Variants in CDON observed in about 807,000 individuals in gnomAD.
The protein encoded by CDON is cell adhesion molecule-related/down-regulated by oncogenes.
Under a neutral mutation model 120.9 loss-of-function variants are expected in CDON, and 73 were observed. That is an observed-to-expected ratio of 0.60 (90% CI 0.50 to 0.73). The LOEUF is 0.73. Ranked by LOEUF, CDON falls within the 30% of genes least tolerant of loss-of-function variation. The pLI is 0.00. For synonymous variants in CDON, 566 were observed against 573.5 expected (o/e 0.99, Z 0.19); for missense variants, 1,470 against 1,587.3 (o/e 0.93, Z 1.26).
intron 7 of CDON, among the ~76,000 whole-genome samples, chr11:126,012,855 A>G (rs7942816): frequency 0.11 from 16,672 of 152,216 alleles, 959 homozygotes; most frequent in African/African-American, 0.13. Flanking sequence ...AATCATATCC[A>G]GCTGTAAATT....
rs1394187850 is a variant in CDON at position 126,009,226 on chromosome 11, G to A, written c.1552+1115C>T. ...CCCTGGTCTCCACCACTTCTCCTCC[G>A]CCTCCAGCTTCATTCAGAGCAAGGG... On this transcript the variant is annotated intron_variant, in intron 8 of 19. Transcript: ENST00000531738. Among the ~76,000 whole-genome samples, 5 of 152,298 alleles carry A rather than the reference G, an allele frequency of 3.3e-5. No individual in the cohort carries two copies. The East Asian group carries it at 5.8e-4, about 18-fold the overall frequency.
chr11:125,960,953 G>C lies in CDON; in HGVS notation c.3784C>G (p.Arg1262Gly). The C allele has an allele frequency of 6.2e-7, 1 of 1,614,098 alleles. No homozygotes were observed. Among genetic ancestry groups the C allele is most frequent in the South Asian group, 1.1e-5 (1 of 91,074 alleles). The change falls in exon 20 of 20, where the codon CGG becomes GGG. Residue 1262 changes from arginine (R) to glycine (G), a missense_variant. By Grantham distance (125) the Arg-to-Gly change is moderately radical. Coordinates refer to ENST00000531738, the MANE Select transcript of CDON (RefSeq NM_001378964.1). ...TTGTTTGCATGTCCTCAGGTTTCCC[G>C]GGGCTGCTGAAGGACCTCTGTCGGG... ...DSPTEVLQQP[R>G]ET
chr11:126,010,542 G>C lies in CDON; in HGVS notation c.1351C>G (p.Gln451Glu). 1.9e-6 allele frequency: 3 copies of C among 1,614,136 alleles called. No individual in the cohort carries two copies. The highest frequency in any genetic ancestry group is 2.5e-6 in the Non-Finnish European group (3 of 1,180,006). The change falls in exon 8 of 20, where the codon CAA becomes GAA. Residue 451 changes from glutamine (Q) to glutamate (E), a missense_variant. Coordinates refer to ENST00000531738, the MANE Select transcript of CDON (RefSeq NM_001378964.1). Reference protein sequence around the residue: ...SHGLITSHPSQVLRSKSRKSQ... With the variant: ...SHGLITSHPSEVLRSKSRKSQ... ...TTTCGGGATTTCGATCTCAGGACTT[G>C]AGATGGATGGCTGGTTATCAATCCA...
intron 7 of CDON, among the ~76,000 whole-genome samples, chr11:126,013,916 T>C (rs1213954059): frequency 1.3e-5 from 2 of 152,156 alleles, no homozygotes; most frequent in Non-Finnish European, 2.9e-5. Context: ...ATAAATTTCC[T>C]TTTAAATTCC....
intron 1 of CDON, among the ~76,000 whole-genome samples, chr11:126,039,564 A>G (rs1232073204): frequency 6.6e-6 from 1 of 152,236 alleles, no homozygotes; most frequent in Non-Finnish European, 1.5e-5. Context: ...CAACTAATCT[A>G]GAGACTTAAC....
chr11:125,981,960 ATTCTATT>A (rs1565501808), intron 16 of CDON, among the ~76,000 whole-genome samples: 4 of 64,284 alleles, frequency 6.2e-5, no homozygotes, highest in African/African-American at 1.6e-4. Context: ...GCAAAAAGTG[ATTCTATT>A]TTCTTTTTTT....
At chr11:125,989,054 T>A (rs1390234743) in intron 15 of CDON, among the ~76,000 whole-genome samples, 1 of 151,494 alleles carries the variant, frequency 6.6e-6, no homozygotes, top group African/African-American at 2.4e-5. Flanking sequence ...TAAAATAAAA[T>A]AAAAATAAAG....
chr11:126,022,779 T>C (rs921543025), intron 2 of CDON, among the ~76,000 whole-genome samples: 1 of 152,318 alleles, frequency 6.6e-6, no homozygotes, highest in Non-Finnish European at 1.5e-5. Context: ...TAAAAATAAA[T>C]AGTACTCAAT....
At position 125,958,112 on chromosome 11, in the gene CDON, T is replaced by C. The variant is rs1065398; in HGVS notation, c.*2830A>G. On this transcript the variant is annotated 3_prime_UTR_variant, in exon 20 of 20. Coordinates refer to ENST00000531738, the MANE Select transcript of CDON (RefSeq NM_001378964.1). ...CGCGGAGGCCAGAGAGCAGCTTCTC[T>C]GGCTGCGGAGTTGGAGCCTCGGAGG... 0.5 allele frequency: 75,293 copies of C among 152,042 alleles called. 19,351 individuals are homozygous for C. Among genetic ancestry groups the C allele is most frequent in the East Asian group, 0.71 (3,680 of 5,160 alleles). 9.4% of individuals were successfully genotyped at this position (152,042 alleles called of 1,614,324 possible).
intron 18 of CDON, among the ~76,000 whole-genome samples, chr11:125,974,920 C>T (rs1946111607): frequency 6.7e-6 from 1 of 148,338 alleles, no homozygotes; most frequent in Admixed American, 6.9e-5. Flanking sequence ...TTTTCTAGAT[C>T]CCTGTCAGTC....
chr11:126,050,495 A>AACACACACAC (rs10643446), intron 1 of CDON, among the ~76,000 whole-genome samples: 1,546 of 143,072 alleles, frequency 0.011, 24 homozygotes, highest in African/African-American at 0.036. Context: ...GTAAGTAGCA[A>AACACACACAC]ACACACACAC....
At position 126,017,326 on chromosome 11, in the gene CDON, T is replaced by G; in HGVS notation, c.690A>C (p.Ala230=). 6.2e-7 allele frequency: 1 copy of G among 1,614,134 alleles called. No individual in the cohort carries two copies. The highest frequency in any genetic ancestry group is 8.5e-7 in the Non-Finnish European group (1 of 1,180,000). ...CAGGGCTACGAGAAAGAACAGCTAA[T>G]GCCTGTGAATGGGTGGGGTGAAGAA... ...VHILHPTHSQ[A]LAVLSRSPVT... is the part of the protein sequence containing the mutation. Residue 230 remains alanine (A), a synonymous_variant, in exon 6 of 20, where the codon GCA becomes GCC. Coordinates refer to ENST00000531738, the MANE Select transcript of CDON (RefSeq NM_001378964.1).
Position 125,997,350 on chromosome 11 carries a change from G to A in CDON, c.2219C>T (p.Thr740Ile). The A allele has an allele frequency of 6.2e-7, 1 of 1,614,042 alleles. No individual in the cohort carries two copies. The highest frequency in any genetic ancestry group is 8.5e-7 in the Non-Finnish European group (1 of 1,179,928). Residue 740 changes from threonine to isoleucine, a missense_variant, in exon 12 of 20, where the codon ACT (threonine) becomes ATT (isoleucine). By Grantham distance (89) the Thr-to-Ile change is moderately conservative. Transcript: ENST00000531738. ...ACCCCCGTTTGCCCGAGGAATCCAA[G>A]TGACATAGACTGATGTCTCTGATGC... The part of the protein sequence containing the change: ...STASETSVYV[T>I]WIPRANGGSP...
intron 15 of CDON, among the ~76,000 whole-genome samples, chr11:125,987,648 CTATT>C (rs1228894934): frequency 6.6e-6 from 1 of 152,156 alleles, no homozygotes; most frequent in Non-Finnish European, 1.5e-5. Flanking sequence ...CACAGCTATA[CTATT>C]ATACTATTAT....
At chr11:125,985,577 G>A (rs1262335781) in intron 15 of CDON, among the ~76,000 whole-genome samples, 1 of 152,222 alleles carries the variant, frequency 6.6e-6, no homozygotes, top group Non-Finnish European at 1.5e-5. Context: ...AGCACTTAGA[G>A]CCTGGCTCAG....
intron 8 of CDON, among the ~76,000 whole-genome samples, chr11:126,009,394 G>A (rs1383354693): frequency 1.3e-5 from 2 of 152,202 alleles, no homozygotes; most frequent in African/African-American, 2.4e-5. Context: ...GGTCCAGACT[G>A]TGGCGGATGG....
At chr11:126,021,581 A>T in intron 2 of CDON, 61 bp from the exon 3 acceptor site, 1 of 1,424,748 alleles carries the variant, frequency 7.0e-7, no homozygotes, top group East Asian at 2.3e-5. Context: ...GAGAGAAAGA[A>T]GATTACATTA....
rs1947041274 is a variant in CDON at position 126,004,056 on chromosome 11, C to A, written c.1872G>T (p.Met624Ile). The stretch of plus-strand genomic sequence containing the variant: ...CTCGAACCGTGTGCCAGCTTCCCAG[C>A]ATGCCAACCCCATCATCCAGCTGCC... ...KYRKLDDGVG[M>I]LGSWHTVRVP... Residue 624 changes from methionine (M) to isoleucine (I), a missense_variant, in exon 10 of 20, where the codon ATG (methionine) becomes ATT (isoleucine). Coordinates refer to ENST00000531738, the MANE Select transcript of CDON (RefSeq NM_001378964.1). The A allele has an allele frequency of 6.2e-7, 1 of 1,613,966 alleles. No individual in the cohort carries two copies. The highest frequency in any genetic ancestry group is 8.5e-7 in the Non-Finnish European group (1 of 1,180,010).
intron 7 of CDON, chr11:126,010,939 A>C (rs561242998): frequency 1.8e-6 from 1 of 548,822 alleles, no homozygotes; most frequent in South Asian, 1.5e-5. Flanking sequence ...AAAGGAATAT[A>C]TATAAAGAAA....
Sources: gnomAD v4.1 joint callset for allele counts (sites outside exome capture counted in the v4.1 genomes callset) on GRCh38, gnomAD v4.1.1 for gene constraint, MANE v1.5 for transcripts, NCBI Gene and HGNC (gene_info 2026-07-23, HGNC 2026-07-21) for gene names.